Variants in GLS observed in about 807,000 individuals in gnomAD.
The protein encoded by GLS is glutaminase kidney isoform, mitochondrial.
In GLS, 36 loss-of-function variants were observed where a neutral mutation model predicts 86.7. The ratio of observed to expected loss-of-function variants is 0.42; its 90% CI spans 0.32 to 0.55. The LOEUF (loss-of-function observed/expected upper bound fraction) is 0.55, where lower values mean the gene tolerates loss of function less well. Ranked by LOEUF, GLS falls within the 20% of genes least tolerant of loss-of-function variation. The pLI is 0.17. For missense variants in GLS, 528 were observed against 833.4 expected (o/e 0.63, Z 4.51); for synonymous variants, 317 against 305.9 (o/e 1.04, Z -0.38).
chr2:190,965,229 T>C lies in GLS; in HGVS notation c.*2243T>C, dbSNP rs1398955907. 6.6e-6 allele frequency: 1 copy of C among 152,626 alleles called. No homozygotes were observed. The highest frequency in any genetic ancestry group is 2.4e-5 in the African/African-American group (1 of 41,464). The allele number at this position is 152,626 out of a possible 1,614,324, so 9.5% of individuals were successfully genotyped here. A position where few individuals can be genotyped will look rare whatever the true frequency, so the allele number is the denominator to read the frequency against. On this transcript the variant is annotated 3_prime_UTR_variant, in exon 18 of 18. Coordinates refer to ENST00000320717, the MANE Select transcript of GLS (RefSeq NM_014905.5). The surrounding 1 kb of genome is among the most constrained non-coding windows in gnomAD (Gnocchi z 5.0). Reference sequence around the variant, plus strand: ...ATGTTAATTTAAAGCTTTATACACATTGTTGTTTTTGCTGGTCTCATCTTT... The same window carrying C: ...ATGTTAATTTAAAGCTTTATACACACTGTTGTTTTTGCTGGTCTCATCTTT...
intron 9 of GLS, among the ~76,000 whole-genome samples, chr2:190,923,395 A>G (rs907338319): frequency 3.9e-5 from 6 of 152,152 alleles, no homozygotes; most frequent in Admixed American, 2.6e-4. Context: ...AGCCCTGTCT[A>G]TATACTTTTC....
At chr2:190,902,098 A>T in intron 5 of GLS, 72 bp downstream of exon 5, 1 of 830,546 alleles carries the variant, frequency 1.2e-6, no homozygotes, top group South Asian at 1.4e-5. Flanking sequence ...AATGACATGG[A>T]GAAGATCATC....
chr2:190,905,345 C>G lies in GLS; in HGVS notation c.979+178C>G. ...AAATGATTATTTTAGGCATCTCATACCACTGGGAAGTGGGCTAGGGAGAAC... is the reference window on the plus strand; with the variant it reads ...AAATGATTATTTTAGGCATCTCATAGCACTGGGAAGTGGGCTAGGGAGAAC... On this transcript the variant is annotated intron_variant, in intron 6 of 17. Coordinates refer to ENST00000320717, the MANE Select transcript of GLS (RefSeq NM_014905.5). The surrounding 1 kb of genome is among the most constrained non-coding windows in gnomAD (Gnocchi z 4.6). The G allele has an allele frequency of 1.9e-6, 1 of 530,548 alleles. No homozygotes were observed. The highest frequency in any genetic ancestry group is 2.4e-5 in the South Asian group (1 of 41,834). 32.9% of individuals were successfully genotyped at this position (530,548 alleles called of 1,614,324 possible). A position where few individuals can be genotyped will look rare whatever the true frequency, so the allele number is the denominator to read the frequency against.
Position 190,921,422 on chromosome 2 carries a change from T to A in GLS, c.1130+219T>A, listed in dbSNP as rs1447346037. Among the ~76,000 whole-genome samples, 1 of 151,994 alleles carries A rather than the reference T, an allele frequency of 6.6e-6. No individual in the cohort carries two copies. Among genetic ancestry groups the A allele is most frequent in the Non-Finnish European group, 1.5e-5 (1 of 67,862 alleles). ...AATTACTGGTGCTTATTCAGTTTTA[T>A]CTTTGCTTGTAATACCTGTCTTACC... On this transcript the variant is annotated intron_variant, in intron 9 of 17. Coordinates refer to ENST00000320717, the MANE Select transcript of GLS (RefSeq NM_014905.5). This position sits in a 1 kb window ranked among gnomAD's most constrained non-coding sequence, Gnocchi z 4.2.
intron 17 of GLS, among the ~76,000 whole-genome samples, chr2:190,957,666 T>A (rs1175966365): frequency 1.3e-5 from 2 of 151,788 alleles, no homozygotes; most frequent in Non-Finnish European, 2.9e-5. Context: ...ATTGAGATAA[T>A]TGTGGTTTTT....
At chr2:190,931,981 T>C (rs1690118467) in intron 14 of GLS, among the ~76,000 whole-genome samples, 1 of 151,986 alleles carries the variant, frequency 6.6e-6, no homozygotes, top group African/African-American at 2.4e-5. Flanking sequence ...AACAAAACAT[T>C]GGAATGTGCT....
Position 190,905,248 on chromosome 2 carries a change from GATTAAA to G in GLS, c.979+89_979+94del, listed in dbSNP as rs1689092538. 1 of 822,192 alleles carries G rather than the reference GATTAAA, an allele frequency of 1.2e-6. No individual in the cohort carries two copies. The highest frequency in any genetic ancestry group is 1.9e-6 in the Non-Finnish European group (1 of 523,286). The allele number at this position is 822,192 out of a possible 1,614,324, so 50.9% of individuals were successfully genotyped here. A position where few individuals can be genotyped will look rare whatever the true frequency, so the allele number is the denominator to read the frequency against. On this transcript the variant is annotated intron_variant, in intron 6 of 17. Coordinates refer to ENST00000320717, the MANE Select transcript of GLS (RefSeq NM_014905.5). The surrounding 1 kb of genome is among the most constrained non-coding windows in gnomAD (Gnocchi z 4.6). Reference sequence around the variant, plus strand: ...ATCTAAGTCGTTTTAAACATTTTTTGATTAAAATTAAAAGTATTTGTCATGTGATTT... The same window carrying G: ...ATCTAAGTCGTTTTAAACATTTTTTGATTAAAAGTATTTGTCATGTGATTT...
In GLS at chr2:190,881,092, G is replaced by T; in HGVS notation, c.8G>T (p.Arg3Leu). MM[R>L]LRGSGMLRDL... ...GCTGACGGACCCGGCGGCATGATGC[G>T]GCTGCGAGGCTCGGGGATGCTGCGG... Residue 3 changes from arginine to leucine, a missense_variant, in exon 1 of 18, where the codon CGG becomes CTG. Arg to Leu is a moderately radical substitution (Grantham distance 102). This residue lies in a region of GLS where 224 missense variants were observed against 187.9 expected (regional missense o/e 1.19). Coordinates refer to ENST00000320717, the MANE Select transcript of GLS (RefSeq NM_014905.5). 6.4e-7 allele frequency: 1 copy of T among 1,560,704 alleles called. No individual in the cohort carries two copies. The highest frequency in any genetic ancestry group is 2.4e-5 in the East Asian group (1 of 42,136).
At position 190,895,546 on chromosome 2, in the gene GLS, A is replaced by G; in HGVS notation, c.484-58A>G. The G allele has an allele frequency of 1.7e-6, 2 of 1,209,920 alleles. No individual in the cohort carries two copies. Among genetic ancestry groups the G allele is most frequent in the South Asian group, 2.9e-5 (2 of 69,178 alleles). The allele number at this position is 1,209,920 out of a possible 1,614,324, so 74.9% of individuals were successfully genotyped here. On this transcript the variant is annotated intron_variant, in intron 2 of 17. Coordinates refer to ENST00000320717, the MANE Select transcript of GLS (RefSeq NM_014905.5). This position sits in a 1 kb window ranked among gnomAD's most constrained non-coding sequence, Gnocchi z 4.2. ...ACAGGAATAAAATCTTATAGTTGGT[A>G]TAAGCATATACATTATTTGCACTAT...
At chr2:190,906,457 A>G (rs923490160) in intron 6 of GLS, among the ~76,000 whole-genome samples, 2 of 152,200 alleles carry the variant, frequency 1.3e-5, no homozygotes, top group Admixed American at 6.5e-5. Context: ...TGCCATATAT[A>G]TTTATGGTTT....
intron 12 of GLS, among the ~76,000 whole-genome samples, chr2:190,928,801 T>G (rs1689990353): frequency 6.6e-6 from 1 of 150,822 alleles, no homozygotes; most frequent in South Asian, 2.1e-4. Context: ...TAATTTAGTC[T>G]ATACAGTTTT....
At chr2:190,960,359 ATTTT>A (rs770419477) in intron 17 of GLS, among the ~76,000 whole-genome samples, 6 of 101,486 alleles carry the variant, frequency 5.9e-5, no homozygotes, top group African/African-American at 2.0e-4. Flanking sequence ...TTAAGCTTCA[ATTTT>A]TTTTTTTTTT....
intron 7 of GLS, among the ~76,000 whole-genome samples, chr2:190,912,015 G>A (rs1689378133): frequency 6.6e-6 from 1 of 152,050 alleles, no homozygotes; most frequent in African/African-American, 2.4e-5. Flanking sequence ...GCTGCATGTG[G>A]GAATTGCATG....
In GLS at chr2:190,880,872, C is replaced by CGCAGCA. The variant is rs57674096; in HGVS notation, c.-170_-165dup. 0.051 allele frequency: 37,813 copies of CGCAGCA among 740,256 alleles called. 2,164 individuals are homozygous for CGCAGCA. Among genetic ancestry groups the CGCAGCA allele is most frequent in the Non-Finnish European group, 0.063 (27,924 of 441,020 alleles). The allele number at this position is 740,256 out of a possible 1,614,324, so 45.9% of individuals were successfully genotyped here. Reference sequence around the variant, plus strand: ...AGAACCGGTCGCGGCAATCCTAGCGCGCAGCAGCAGCAGCAGCAGCAGCAG... The same window carrying CGCAGCA: ...AGAACCGGTCGCGGCAATCCTAGCGCGCAGCAGCAGCAGCAGCAGCAGCAGCAGCAG... On this transcript the variant is annotated 5_prime_UTR_variant, in exon 1 of 18. Coordinates refer to ENST00000320717, the MANE Select transcript of GLS (RefSeq NM_014905.5).
chr2:190,959,040 T>C (rs1189772839), intron 17 of GLS, among the ~76,000 whole-genome samples: 29 of 150,282 alleles, frequency 1.9e-4, no homozygotes, highest in South Asian at 4.2e-4. Flanking sequence ...CCCACTATTA[T>C]TGTGTGGGAG....
rs574007459 is a variant in GLS, at chr2:190,924,474, T to C, written c.1198-69T>C. 5.0e-6 allele frequency: 4 copies of C among 804,146 alleles called. No homozygotes were observed. The highest frequency in any genetic ancestry group is 2.2e-4 in the Middle Eastern group (1 of 4,462). The allele number at this position is 804,146 out of a possible 1,614,324, so 49.8% of individuals were successfully genotyped here. ...AACACTTGTGTACATTTGAAATTTT[T>C]CATATATTTCTCTACTTATGTGCAT... On this transcript the variant is annotated intron_variant, in intron 10 of 17. Transcript: ENST00000320717. The surrounding 1 kb of genome is among the most constrained non-coding windows in gnomAD (Gnocchi z 5.2).
chr2:190,953,558 T>TTCACA lies in GLS; in HGVS notation c.1651-6_1651-2dup. 6.2e-7 allele frequency: 1 copy of TTCACA among 1,600,648 alleles called. No homozygotes were observed. Among genetic ancestry groups the TTCACA allele is most frequent in the South Asian group, 1.1e-5 (1 of 90,794 alleles). ...CTAAGGATGCCTAAACTTTCTTTTC[T>TTCACA]TCACAGGTAAAGTCAGTGATAAATC... On this transcript the variant is annotated splice_region_variant and splice_polypyrimidine_tract_variant and intron_variant, in intron 14 of 17. Coordinates refer to ENST00000320717, the MANE Select transcript of GLS (RefSeq NM_014905.5). The surrounding 1 kb of genome is among the most constrained non-coding windows in gnomAD (Gnocchi z 4.0).
At chr2:190,948,486 C>G (rs1460976866) in intron 14 of GLS, among the ~76,000 whole-genome samples, 1 of 152,108 alleles carries the variant, frequency 6.6e-6, no homozygotes, top group Non-Finnish European at 1.5e-5. Flanking sequence ...TACACACATA[C>G]TATAATAAAA....
At chr2:190,919,527 A>G (rs1443112146) in intron 7 of GLS, 1 of 154,266 alleles carries the variant, frequency 6.5e-6, no homozygotes, top group Admixed American at 6.6e-5. Context: ...ATGACATCCC[A>G]ATGCAAATGC....
Sources: gnomAD v4.1 joint callset for allele counts (sites outside exome capture counted in the v4.1 genomes callset) on GRCh38, gnomAD v4.1.1 for gene constraint, gnomAD v4.1.1 regional missense constraint, Gnocchi (gnomAD v3.1) non-coding constraint, MANE v1.5 for transcripts, NCBI Gene and HGNC (gene_info 2026-07-23, HGNC 2026-07-21) for gene names.